Variants in ARL17B observed in about 807,000 individuals in gnomAD.
ARL17B encodes the protein ADP-ribosylation factor-like protein 17.
At chr17:46,290,744 G>A (rs544246654) in intron 4 of ARL17B, among the ~76,000 whole-genome samples, 63 of 152,242 alleles carry the variant, frequency 4.1e-4, no homozygotes, top group Non-Finnish European at 8.5e-4. Context: ...ATTGCGCCCA[G>A]CCTCTGAAGC....
intron 4 of ARL17B, among the ~76,000 whole-genome samples, chr17:46,291,280 G>A (rs1344185660): frequency 6.6e-6 from 1 of 152,218 alleles, no homozygotes. Context: ...GAACATACAA[G>A]TGAGAGTAAA....
chr17:46,334,920 TAC>T lies in ARL17B; in HGVS notation c.*4578_*4579del, dbSNP rs1320814152. ...AACTGTCAACAATGTACAATATGTA[TAC>T]ATTTTATTAGTGATGACTTAAATTA... On this transcript the variant is annotated 3_prime_UTR_variant, in exon 4 of 4. Transcript: ENST00000450673. 1 of 122,376 alleles carries T rather than the reference TAC, an allele frequency of 8.2e-6. No individual in the cohort carries two copies. Among genetic ancestry groups the T allele is most frequent in the African/African-American group, 2.8e-5 (1 of 35,770 alleles). The allele number at this position is 122,376 out of a possible 1,614,324, so 7.6% of individuals were successfully genotyped here. A position where few individuals can be genotyped will look rare whatever the true frequency, so the allele number is the denominator to read the frequency against.
intron 4 of ARL17B, among the ~76,000 whole-genome samples, chr17:46,284,455 G>A (rs2049852629): frequency 1.3e-5 from 2 of 152,250 alleles, no homozygotes. Flanking sequence ...TTGGGGGTAA[G>A]GTTATAAATT....
intron 4 of ARL17B, among the ~76,000 whole-genome samples, chr17:46,282,581 AT>A (rs66586772): frequency 3.5e-3 from 481 of 136,068 alleles, no homozygotes; most frequent in East Asian, 3.1e-3. Context: ...AGCCTGGTTA[AT>A]TTTTTTTTTT....
intron 4 of ARL17B, chr17:46,275,501 T>C: frequency 1.6e-6 from 1 of 637,296 alleles, no homozygotes; most frequent in Non-Finnish European, 2.7e-6. Context: ...AGTAAATAAA[T>C]CTGGAAGAAG....
intron 4 of ARL17B, among the ~76,000 whole-genome samples, chr17:46,284,570 C>T (rs1172214113): frequency 6.6e-6 from 1 of 152,236 alleles, no homozygotes; most frequent in East Asian, 1.9e-4. Flanking sequence ...ATCTCTCTTT[C>T]TTTTCCCCAC....
intron 4 of ARL17B, among the ~76,000 whole-genome samples, chr17:46,284,932 C>T (rs1329044238): frequency 2.0e-5 from 3 of 152,206 alleles, no homozygotes; most frequent in South Asian, 2.1e-4. Context: ...TGGAGTGGCA[C>T]GATCATAGCT....
At position 46,292,410 on chromosome 17, in the gene ARL17B, G is replaced by A. The variant is rs1222665052; in HGVS notation, c.*21+7116C>T. 1.0e-4 allele frequency among the ~76,000 whole-genome samples: 8 copies of A among 80,032 alleles called. 2 individuals are homozygous for A. The highest frequency in any genetic ancestry group is 2.5e-4 in the African/African-American group (8 of 31,424). 52.5% of individuals were successfully genotyped at this position (80,032 alleles called of 152,430 possible). ...CCAGTATAACCATAATTCAAAACAA[G>A]CAGCAGAATTTGGAGGATAATTTGT... On this transcript the variant is annotated intron_variant, in intron 4 of 4. Transcript: ENST00000570618.
exon 5 of ARL17B, chr17:46,275,060 T>G: frequency 5.5e-6 from 1 of 180,872 alleles, no homozygotes; most frequent in Non-Finnish European, 1.1e-5. Flanking sequence ...GCACAGCTAA[T>G]TTTGTATTTT....
chr17:46,331,086 A>G, downstream of ARL17B: 1 of 717,626 alleles, frequency 1.4e-6, no homozygotes, highest in East Asian at 2.6e-5. Context: ...CAGGTGAGAG[A>G]CAGATCGAAA....
In ARL17B at chr17:46,279,540, C is replaced by T. The variant is rs535525519; in HGVS notation, c.*22-4122G>A. Among the ~76,000 whole-genome samples the T allele has an allele frequency of 5.3e-3, 676 of 126,562 alleles. 2 individuals carry two copies. Among genetic ancestry groups the T allele is most frequent in the Non-Finnish European group, 7.8e-3 (498 of 63,924 alleles). 83.0% of individuals were successfully genotyped at this position (126,562 alleles called of 152,430 possible). On this transcript the variant is annotated intron_variant, in intron 4 of 4. Transcript: ENST00000570618. Reference sequence around the variant, plus strand: ...TTTTTGAGATAGGGTCTTGTTGTGTCGTCCAGGCTGGAGTGTAGTTGCATG... The same window carrying T: ...TTTTTGAGATAGGGTCTTGTTGTGTTGTCCAGGCTGGAGTGTAGTTGCATG...
intron 4 of ARL17B, among the ~76,000 whole-genome samples, chr17:46,291,732 C>T (rs1432777246): frequency 6.6e-6 from 1 of 151,892 alleles, no homozygotes; most frequent in African/African-American, 2.4e-5. Flanking sequence ...TGAGACCAGC[C>T]TGGGCAACAT....
chr17:46,287,207 G>A (rs113301527), intron 4 of ARL17B, among the ~76,000 whole-genome samples: 8,906 of 135,804 alleles, frequency 0.066, no homozygotes, highest in Middle Eastern at 0.12. Flanking sequence ...TGAAATATGG[G>A]TCTTTAAAAA....
intron 4 of ARL17B, chr17:46,293,026 T>C (rs1164506961): frequency 4.1e-5 from 2 of 48,858 alleles, no homozygotes; most frequent in East Asian, 7.0e-4. Context: ...TGATCCCAGC[T>C]CATTGCAACC....
chr17:46,278,324 T>C (rs936422411), intron 4 of ARL17B, among the ~76,000 whole-genome samples: 5 of 152,220 alleles, frequency 3.3e-5, no homozygotes, highest in African/African-American at 9.7e-5. Context: ...AGAGCCAAGC[T>C]CACTTAACCA....
At position 46,315,293 on chromosome 17, in the gene ARL17B, G is replaced by A. The variant is rs530274753; in HGVS notation, c.260-15628C>T. Among the ~76,000 whole-genome samples, 407 of 86,232 alleles carry A rather than the reference G, an allele frequency of 4.7e-3. 100 individuals carry two copies. The highest frequency in any genetic ancestry group is 0.012 in the African/African-American group (386 of 31,424). The allele number at this position is 86,232 out of a possible 152,430, so 56.6% of individuals were successfully genotyped here. On this transcript the variant is annotated intron_variant, in intron 3 of 4. Coordinates refer to the ARL17B transcript ENST00000434041. ...TCATCCTAGCACTTTGGGAGGCTGC[G>A]GTGGGAGGATTGCTTGACCCCAGGA...
In ARL17B at chr17:46,357,326, T is replaced by G. The variant is rs2052939764; in HGVS notation, c.148+924A>C. Among the ~76,000 whole-genome samples the G allele has an allele frequency of 2.0e-5, 2 of 97,790 alleles. 1 individual carries two copies. The highest frequency in any genetic ancestry group is 8.2e-5 in the African/African-American group (2 of 24,274). 64.2% of individuals were successfully genotyped at this position (97,790 alleles called of 152,430 possible). On this transcript the variant is annotated intron_variant, in intron 2 of 3. Coordinates refer to ENST00000450673, the MANE Select transcript of ARL17B (RefSeq NM_001039083.5). ...GCAGTTCACAAGGCAAAGATTCAGT[T>G]CTGTCAAAACTCGCTTTGTAAATCT...
Position 46,300,119 on chromosome 17 carries a change from G to T in ARL17B, c.260-454C>A, listed in dbSNP as rs2067119. 1.3e-3 allele frequency among the ~76,000 whole-genome samples: 91 copies of T among 68,444 alleles called. 10 individuals are homozygous for T. The highest frequency in any genetic ancestry group is 4.1e-3 in the Admixed American group (26 of 6,392). 44.9% of individuals were successfully genotyped at this position (68,444 alleles called of 152,430 possible). A position where few individuals can be genotyped will look rare whatever the true frequency, so the allele number is the denominator to read the frequency against. Reference sequence around the variant, plus strand: ...TATATTCCTTTTTGTTCTCTTTTTTGTTTTTTTTTTCAGAGACAGGGTCTT... The same window carrying T: ...TATATTCCTTTTTGTTCTCTTTTTTTTTTTTTTTTTCAGAGACAGGGTCTT... On this transcript the variant is annotated intron_variant, in intron 3 of 4. Transcript: ENST00000434041.
At chr17:46,282,890 G>C (rs1427825236) in intron 4 of ARL17B, among the ~76,000 whole-genome samples, 8 of 152,126 alleles carry the variant, frequency 5.3e-5, no homozygotes, top group Admixed American at 5.2e-4. Context: ...AGGCCGAAGC[G>C]AGCGGATCAC....
Sources: allele counts gnomAD v4.1 joint callset (sites outside exome capture counted in the v4.1 genomes callset), GRCh38; gene constraint gnomAD v4.1.1; transcripts MANE v1.5; gene names NCBI Gene and HGNC (gene_info 2026-07-23, HGNC 2026-07-21).